Variants in DYNC1I1 observed in about 807,000 individuals in gnomAD.
The protein encoded by DYNC1I1 is dynein cytoplasmic 1 intermediate chain 1.
Under a neutral mutation model 86.6 loss-of-function variants are expected in DYNC1I1, and 43 were observed. The ratio of observed to expected loss-of-function variants is 0.50; its 90% CI spans 0.39 to 0.64. The LOEUF (loss-of-function observed/expected upper bound fraction) is 0.64. Among genes scored for constraint, DYNC1I1 ranks in the 30% least tolerant of loss-of-function variants. DYNC1I1 has a pLI of 0.00. For synonymous variants in DYNC1I1, 262 were observed against 283.7 expected (o/e 0.92, Z 0.77); for missense variants, 604 against 788.8 (o/e 0.77, Z 2.81).
intron 16 of DYNC1I1, among the ~76,000 whole-genome samples, chr7:96,096,450 C>T (rs1422994560): frequency 2.0e-5 from 3 of 152,046 alleles, no homozygotes; most frequent in African/African-American, 4.8e-5. Context: ...CAAGAAAATG[C>T]GTGTAAAATC....
At chr7:95,821,624 G>C (rs1409007421) in intron 4 of DYNC1I1, among the ~76,000 whole-genome samples, 1 of 152,120 alleles carries the variant, frequency 6.6e-6, no homozygotes, top group East Asian at 1.9e-4. Flanking sequence ...AACAAGAACC[G>C]ACCATGGGAT....
chr7:95,783,699 C>T (rs1327081530), intron 1 of DYNC1I1, among the ~76,000 whole-genome samples: 1 of 152,162 alleles, frequency 6.6e-6, no homozygotes, highest in African/African-American at 2.4e-5. Context: ...TACCTTCATC[C>T]TCCTCTTTTG....
chr7:95,913,064 T>C (rs1791379643), intron 6 of DYNC1I1, among the ~76,000 whole-genome samples: 1 of 152,216 alleles, frequency 6.6e-6, no homozygotes, highest in Admixed American at 6.5e-5. Flanking sequence ...AATATTTTTA[T>C]GTAGACTTTT....
At chr7:95,916,800 T>G (rs1206169172) in intron 6 of DYNC1I1, among the ~76,000 whole-genome samples, 1 of 152,216 alleles carries the variant, frequency 6.6e-6, no homozygotes, top group Non-Finnish European at 1.5e-5. Flanking sequence ...TTTAGAAAAC[T>G]GCTCACAGCC....
chr7:95,881,707 C>G (rs933045162), intron 6 of DYNC1I1, among the ~76,000 whole-genome samples: 1 of 152,188 alleles, frequency 6.6e-6, no homozygotes, highest in Non-Finnish European at 1.5e-5. Context: ...AAGATTGAGC[C>G]GATGGCTCAA....
chr7:95,941,443 G>T (rs1230524662), intron 6 of DYNC1I1, among the ~76,000 whole-genome samples: 1 of 152,142 alleles, frequency 6.6e-6, no homozygotes, highest in African/African-American at 2.4e-5. Context: ...TTGAGCTGTG[G>T]TGGGCTCCAC....
intron 6 of DYNC1I1, among the ~76,000 whole-genome samples, chr7:95,954,198 C>T (rs907693670): frequency 3.3e-5 from 5 of 151,470 alleles, no homozygotes; most frequent in Admixed American, 2.0e-4. Context: ...TAATACTTCC[C>T]ATGTCACCTG....
At chr7:95,876,712 G>T (rs542203558) in intron 6 of DYNC1I1, among the ~76,000 whole-genome samples, 4 of 152,054 alleles carry the variant, frequency 2.6e-5, no homozygotes, top group African/African-American at 4.8e-5. Flanking sequence ...ATATTACAAG[G>T]CATAGCAAAC....
At chr7:95,880,144 C>G (rs891608382) in intron 6 of DYNC1I1, among the ~76,000 whole-genome samples, 5 of 152,212 alleles carry the variant, frequency 3.3e-5, no homozygotes, top group Non-Finnish European at 7.4e-5. Flanking sequence ...TAATTCAGAA[C>G]TTGGACAGGA....
intron 6 of DYNC1I1, among the ~76,000 whole-genome samples, chr7:95,882,028 T>TA (rs1335237555): frequency 6.6e-6 from 1 of 152,218 alleles, no homozygotes; most frequent in East Asian, 1.9e-4. Flanking sequence ...GTATTTTTTT[T>TA]ATCTTCAGCA....
chr7:95,870,449 G>A (rs1162974050), intron 6 of DYNC1I1, among the ~76,000 whole-genome samples: 2 of 152,220 alleles, frequency 1.3e-5, no homozygotes, highest in African/African-American at 2.4e-5. Flanking sequence ...ATTGACTTCT[G>A]TGGTTACTTT....
At chr7:95,941,267 G>A (rs917508347) in intron 6 of DYNC1I1, among the ~76,000 whole-genome samples, 24 of 151,994 alleles carry the variant, frequency 1.6e-4, no homozygotes, top group African/African-American at 5.8e-4. Flanking sequence ...CCCACTTGAG[G>A]AGGCAGTCTG....
chr7:96,095,937 A>G (rs966268893), intron 16 of DYNC1I1, among the ~76,000 whole-genome samples: 6 of 152,152 alleles, frequency 3.9e-5, no homozygotes, highest in Non-Finnish European at 7.4e-5. Context: ...AACTTGTGTT[A>G]TTGCCTACAA....
At chr7:95,944,165 A>T (rs1166521911) in intron 6 of DYNC1I1, among the ~76,000 whole-genome samples, 3 of 152,238 alleles carry the variant, frequency 2.0e-5, no homozygotes, top group Admixed American at 2.0e-4. Context: ...AATGAACTCA[A>T]ACAAATTTAC....
chr7:95,857,451 A>G (rs1789755177), intron 5 of DYNC1I1, among the ~76,000 whole-genome samples: 2 of 152,186 alleles, frequency 1.3e-5, no homozygotes, highest in Non-Finnish European at 2.9e-5. Context: ...TTTTGTTGGC[A>G]TTGCAATTCA....
At chr7:95,992,392 G>A (rs1793752090) in intron 9 of DYNC1I1, among the ~76,000 whole-genome samples, 1 of 152,162 alleles carries the variant, frequency 6.6e-6, no homozygotes, top group Non-Finnish European at 1.5e-5. Flanking sequence ...CAGGAAAGGA[G>A]AAGGCTTTTG....
intron 15 of DYNC1I1, among the ~76,000 whole-genome samples, chr7:96,076,870 ACT>A (rs1215767716): frequency 2.0e-5 from 3 of 152,228 alleles, no homozygotes; most frequent in Admixed American, 6.5e-5. Flanking sequence ...AGTAATAAAT[ACT>A]GTTTTTAAAT....
At chr7:95,811,229 A>G (rs1050879371) in intron 3 of DYNC1I1, among the ~76,000 whole-genome samples, 10 of 152,212 alleles carry the variant, frequency 6.6e-5, no homozygotes, top group Middle Eastern at 6.8e-3. Flanking sequence ...CTCTCATGTA[A>G]TAGTTTTATT....
chr7:95,834,527 A>G (rs1222512808), intron 5 of DYNC1I1, among the ~76,000 whole-genome samples: 2 of 121,922 alleles, frequency 1.6e-5, no homozygotes. Flanking sequence ...TATTGATTGG[A>G]ATAGTTTCAG....
Sources: allele counts gnomAD v4.1 joint callset (sites outside exome capture counted in the v4.1 genomes callset), GRCh38; gene constraint gnomAD v4.1.1; transcripts MANE v1.5; gene names NCBI Gene and HGNC (gene_info 2026-07-23, HGNC 2026-07-21).